The following MAU2 variants were observed in gnomAD, a reference collection of about 807,000 sequenced individuals.
MAU2 encodes MAU2 sister chromatid cohesion factor, also known as MAU2 chromatid cohesion factor homolog.
In MAU2, 9 loss-of-function variants were observed where a neutral mutation model predicts 89.1. The observed-to-expected ratio is 0.10, with a 90% CI of 0.06 to 0.18. MAU2 has a LOEUF of 0.18. MAU2 is among the 10% of genes least tolerant of loss of function. MAU2 has a pLI of 1.00. For missense variants in MAU2, 425 were observed against 803.5 expected (o/e 0.53, Z 5.69); for synonymous variants, 357 against 343.4 (o/e 1.04, Z -0.44).
rs750126576 is a variant in MAU2 at position 19,355,810 on chromosome 19, A to G, written c.*28A>G. ...CCTTGATGGGGCCATCCAGCTCCGC[A>G]GGGCCTGCGCGTCTCCGGCTTCCAC... On this transcript the variant is annotated 3_prime_UTR_variant, in exon 19 of 19. Transcript: ENST00000262815. 1.9e-6 allele frequency: 3 copies of G among 1,593,834 alleles called. No homozygotes were observed. The African/African-American group carries it at 4.0e-5, about 21-fold the overall frequency.
intron 5 of MAU2, among the ~76,000 whole-genome samples, chr19:19,339,460 T>C (rs992177326): frequency 6.6e-6 from 1 of 151,206 alleles, no homozygotes; most frequent in Non-Finnish European, 1.5e-5. Context: ...AAAAAAAAAT[T>C]AGTCACCATG....
At chr19:19,330,547 C>T (rs1264443924) in intron 1 of MAU2, among the ~76,000 whole-genome samples, 1 of 152,164 alleles carries the variant, frequency 6.6e-6, no homozygotes, top group African/African-American at 2.4e-5. Flanking sequence ...TCGAGACCTG[C>T]CTGACCAACA....
chr19:19,330,294 TAAAAACAAAACAAC>T (rs2061545439), intron 1 of MAU2, among the ~76,000 whole-genome samples: 1 of 150,532 alleles, frequency 6.6e-6, no homozygotes, highest in Non-Finnish European at 1.5e-5. Context: ...CTGTCTCTTA[TAAAAACAAAACAAC>T]AACAGGCCAG....
At chr19:19,331,575 A>T (rs1430806608) in intron 1 of MAU2, among the ~76,000 whole-genome samples, 1 of 151,936 alleles carries the variant, frequency 6.6e-6, no homozygotes, top group Non-Finnish European at 1.5e-5. Flanking sequence ...TGTGAGATGG[A>T]TATATTTTTC....
At chr19:19,348,249 A>G (rs556554772) in intron 13 of MAU2, 17 of 157,562 alleles carry the variant, frequency 1.1e-4, no homozygotes, top group Admixed American at 1.0e-3. Flanking sequence ...TGTGGTCCCA[A>G]CTACTCGGGA....
At chr19:19,335,641 G>T in intron 1 of MAU2, 77 bp from the exon 2 acceptor site, 2 of 1,479,376 alleles carry the variant, frequency 1.4e-6, no homozygotes, top group Non-Finnish European at 1.9e-6. Context: ...GACAACCTGT[G>T]GAAGCCCCAG....
chr19:19,340,926 AG>A, intron 6 of MAU2, 53 bp downstream of exon 6: 1 of 1,608,274 alleles, frequency 6.2e-7, no homozygotes, highest in Non-Finnish European at 8.5e-7. Flanking sequence ...GAGGTGAGGC[AG>A]GGCCCCCACA....
At chr19:19,352,045 C>T (rs1568668100) in intron 16 of MAU2, among the ~76,000 whole-genome samples, 2 of 151,776 alleles carry the variant, frequency 1.3e-5, no homozygotes, top group Admixed American at 6.6e-5. Context: ...AATGGGGTTT[C>T]GCCATGTTGG....
Position 19,335,971 on chromosome 19 carries a change from G to A in MAU2, c.295-151G>A, listed in dbSNP as rs1393098066. 4.2e-6 allele frequency: 3 copies of A among 712,680 alleles called. No individual in the cohort carries two copies. The East Asian group carries it at 7.8e-5, about 19-fold the overall frequency. 44.1% of individuals were successfully genotyped at this position (712,680 alleles called of 1,614,324 possible). ...AGCCCTGCCCTGCAGCAAGCTCAAG[G>A]TTCACTGGGGGAACAGGAAAACTTG... On this transcript the variant is annotated intron_variant, in intron 2 of 18. Transcript: ENST00000262815.
chr19:19,355,088 G>A (rs1345209241), intron 17 of MAU2, 176 bp from the exon 18 acceptor site: 6 of 769,688 alleles, frequency 7.8e-6, no homozygotes, highest in Non-Finnish European at 1.0e-5. Flanking sequence ...CTATGAGGGC[G>A]GCTGGCGCAT....
intron 16 of MAU2, 65 bp from the exon 17 acceptor site, chr19:19,354,290 C>T (rs1438848184): frequency 6.1e-6 from 8 of 1,318,262 alleles, no homozygotes; most frequent in Non-Finnish European, 8.8e-6. Context: ...CCCACCCCAA[C>T]CTGGGCTGGG....
chr19:19,328,849 T>TA (rs1381236587), intron 1 of MAU2, among the ~76,000 whole-genome samples: 3 of 152,174 alleles, frequency 2.0e-5, no homozygotes, highest in South Asian at 2.1e-4. Flanking sequence ...TGGAAGAACT[T>TA]ACTATTTTCT....
chr19:19,334,473 T>TG (rs1214962735), intron 1 of MAU2: 1 of 985,740 alleles, frequency 1.0e-6, no homozygotes, highest in Non-Finnish European at 1.2e-6. Flanking sequence ...TGCTCACCCT[T>TG]GCCCTAGAGA....
chr19:19,330,227 G>A (rs1481630338), intron 1 of MAU2, among the ~76,000 whole-genome samples: 1 of 151,750 alleles, frequency 6.6e-6, no homozygotes, highest in East Asian at 2.0e-4. Flanking sequence ...CAGTCCACCT[G>A]TCTTGGCCTC....
chr19:19,322,252 C>A (rs1182074690), intron 1 of MAU2, among the ~76,000 whole-genome samples: 1 of 152,168 alleles, frequency 6.6e-6, no homozygotes, highest in Non-Finnish European at 1.5e-5. Flanking sequence ...CCCACCTCGG[C>A]CTCCCACAGT....
At chr19:19,331,557 C>G (rs1048152209) in intron 1 of MAU2, among the ~76,000 whole-genome samples, 56 of 151,894 alleles carry the variant, frequency 3.7e-4, no homozygotes, top group African/African-American at 1.2e-3. Flanking sequence ...CATTCTACAT[C>G]CTTTATTTGT....
intron 4 of MAU2, among the ~76,000 whole-genome samples, chr19:19,338,101 C>A (rs2061612095): frequency 6.6e-6 from 1 of 152,246 alleles, no homozygotes; most frequent in Admixed American, 6.5e-5. Flanking sequence ...GTTGGGAGTT[C>A]CTCCAGCTGA....
intron 10 of MAU2, 59 bp from the exon 11 acceptor site, chr19:19,344,790 G>A (rs2061680249): frequency 6.9e-7 from 1 of 1,439,950 alleles, no homozygotes; most frequent in Non-Finnish European, 9.7e-7. Flanking sequence ...CTCCATTGCT[G>A]CTCAGACGCC....
chr19:19,349,187 T>C lies in MAU2; in HGVS notation c.1391T>C (p.Val464Ala). ...SHCLRAAAFY[V>A]RGLFSFFQGR... is the part of the protein sequence containing the mutation. The stretch of plus-strand genomic sequence containing the variant: ...TGCCTCCGAGCAGCCGCCTTCTATG[T>C]GCGTGGGCTCTTCTCCTTCTTCCAG... Residue 464 changes from valine (V) to alanine (A), a missense_variant, in exon 15 of 19, where the codon GTG (valine) becomes GCG (alanine). Coordinates refer to ENST00000262815, the MANE Select transcript of MAU2 (RefSeq NM_015329.4). 3 of 1,614,192 alleles carry C rather than the reference T, an allele frequency of 1.9e-6. No homozygotes were observed. Among genetic ancestry groups the C allele is most frequent in the Non-Finnish European group, 2.5e-6 (3 of 1,180,050 alleles).
Sources: gnomAD v4.1 joint callset for allele counts (sites outside exome capture counted in the v4.1 genomes callset) on GRCh38, gnomAD v4.1.1 for gene constraint, MANE v1.5 for transcripts, NCBI Gene and HGNC (gene_info 2026-07-23, HGNC 2026-07-21) for gene names.